Variants in CACNA1C observed in about 807,000 individuals in gnomAD.
The protein encoded by CACNA1C is voltage-dependent L-type calcium channel subunit alpha-1C.
In CACNA1C, 30 loss-of-function variants were observed where a neutral mutation model predicts 229.0. That is an observed-to-expected ratio of 0.13 (90% CI 0.10 to 0.18). The LOEUF (loss-of-function observed/expected upper bound fraction) is 0.18. Among genes scored for constraint, CACNA1C ranks in the 10% least tolerant of loss-of-function variants. CACNA1C has a pLI of 1.00. For synonymous variants in CACNA1C, 1,114 were observed against 1,132.5 expected (o/e 0.98, Z 0.33); for missense variants, 1,658 against 2,845.0 (o/e 0.58, Z 9.49).
intron 3 of CACNA1C, among the ~76,000 whole-genome samples, chr12:2,192,797 G>A (rs969145885): frequency 3.9e-5 from 6 of 151,950 alleles, no homozygotes; most frequent in African/African-American, 9.7e-5. Context: ...AAGACTTGGC[G>A]GTGCTGTGAT....
chr12:2,621,158 C>G (rs541556496), intron 29 of CACNA1C, among the ~76,000 whole-genome samples: 1 of 152,278 alleles, frequency 6.6e-6, no homozygotes, highest in East Asian at 1.9e-4. Flanking sequence ...GATGTTGAAG[C>G]ATGGTACCAT....
intron 28 of CACNA1C, among the ~76,000 whole-genome samples, chr12:2,610,989 G>A (rs2077391546): frequency 6.6e-6 from 1 of 151,692 alleles, no homozygotes; most frequent in Admixed American, 6.6e-5. Context: ...GGAGGAGATG[G>A]AGAACGGAGG....
chr12:2,361,705 A>G (rs1227715564), intron 3 of CACNA1C, among the ~76,000 whole-genome samples: 2 of 152,220 alleles, frequency 1.3e-5, no homozygotes, highest in Non-Finnish European at 2.9e-5. Flanking sequence ...GTGAGAGAAA[A>G]ATAAAGCCAC....
chr12:2,207,871 C>T (rs1458842381), intron 3 of CACNA1C, among the ~76,000 whole-genome samples: 1 of 152,082 alleles, frequency 6.6e-6, no homozygotes, highest in African/African-American at 2.4e-5. Context: ...GCGTTTCCCA[C>T]AGAACATCTG....
intron 13 of CACNA1C, among the ~76,000 whole-genome samples, chr12:2,578,817 A>C (rs1408132063): frequency 7.9e-5 from 12 of 152,134 alleles, no homozygotes; most frequent in Admixed American, 7.2e-4. Flanking sequence ...CAGGGGCGGC[A>C]GGGAGAGTGG....
intron 1 of CACNA1C, among the ~76,000 whole-genome samples, chr12:2,090,676 T>C (rs1025101125): frequency 2.0e-5 from 3 of 152,368 alleles, no homozygotes; most frequent in African/African-American, 4.8e-5. Flanking sequence ...GGACTTGTTA[T>C]TGTGAATAGT....
chr12:2,618,591 C>T (rs907126389), intron 29 of CACNA1C, among the ~76,000 whole-genome samples: 2 of 152,230 alleles, frequency 1.3e-5, no homozygotes, highest in African/African-American at 4.8e-5. Context: ...CTAAAGACAC[C>T]AATGTGGCCA....
intron 1 of CACNA1C, among the ~76,000 whole-genome samples, chr12:2,093,695 G>A (rs1595666511): frequency 6.6e-6 from 1 of 152,308 alleles, no homozygotes; most frequent in South Asian, 2.1e-4. Context: ...TGGGTGATCT[G>A]GGGCCCATGG....
intron 9 of CACNA1C, among the ~76,000 whole-genome samples, chr12:2,521,540 G>A (rs917950079): frequency 6.6e-6 from 1 of 152,154 alleles, no homozygotes. Flanking sequence ...CTGCCCGCCA[G>A]GGTCCCAGCC....
intron 1 of CACNA1C, among the ~76,000 whole-genome samples, chr12:2,096,290 A>G (rs1479879935): frequency 1.3e-5 from 2 of 152,230 alleles, no homozygotes; most frequent in African/African-American, 2.4e-5. Flanking sequence ...TTTGAAAACA[A>G]TTTATGACCA....
Position 2,632,770 on chromosome 12 carries a change from C to T in CACNA1C, c.3829-1527C>T, listed in dbSNP as rs542418784. Among the ~76,000 whole-genome samples the T allele has an allele frequency of 2.6e-5, 4 of 152,144 alleles. No homozygotes were observed. The highest frequency in any genetic ancestry group is 4.4e-5 in the Non-Finnish European group (3 of 68,030). ...TGATCACCGCGTGCCCTCTGCGCGG[C>T]GTCTGCATTCAGCAGGACCCTACCT... On this transcript the variant is annotated intron_variant, in intron 29 of 46. Coordinates refer to ENST00000399655, the MANE Select transcript of CACNA1C (RefSeq NM_000719.7). This position sits in a 1 kb window ranked among gnomAD's most constrained non-coding sequence, Gnocchi z 4.1.
intron 3 of CACNA1C, among the ~76,000 whole-genome samples, chr12:2,273,608 A>C (rs1245470643): frequency 6.6e-6 from 1 of 152,226 alleles, no homozygotes; most frequent in Non-Finnish European, 1.5e-5. Context: ...CTGGGAATCA[A>C]ATCAGAGTGA....
upstream of CACNA1C, among the ~76,000 whole-genome samples, chr12:2,052,523 C>T (rs1212240162): frequency 1.3e-5 from 2 of 151,332 alleles, no homozygotes; most frequent in African/African-American, 4.8e-5. Flanking sequence ...GACGCGCCGC[C>T]GCAGCGGAGG....
intron 1 of CACNA1C, among the ~76,000 whole-genome samples, chr12:2,010,378 T>G (rs2044195903): frequency 6.6e-6 from 1 of 151,716 alleles, no homozygotes; most frequent in African/African-American, 2.4e-5. Flanking sequence ...CTGGGGAATG[T>G]GGGGAAGGCA....
At chr12:2,448,443 G>A (rs1235414378) in intron 3 of CACNA1C, among the ~76,000 whole-genome samples, 1 of 152,144 alleles carries the variant, frequency 6.6e-6, no homozygotes, top group Non-Finnish European at 1.5e-5. Flanking sequence ...GCTCTTAAGG[G>A]ATCTTCACCG....
rs926670276 is a variant in CACNA1C at position 2,565,371 on chromosome 12, G to A, written c.1509-1051G>A. Among the ~76,000 whole-genome samples, 18 of 151,672 alleles carry A rather than the reference G, an allele frequency of 1.2e-4. 1 individual carries two copies. Among genetic ancestry groups the A allele is most frequent in the Non-Finnish European group, 1.5e-4 (10 of 67,950 alleles). ...AGTCCCAGCTACTCGGGAGGCTGAG[G>A]CAGGAGAATGGCGTGAACCCGGGAA... On this transcript the variant is annotated intron_variant, in intron 11 of 46. Coordinates refer to ENST00000399655, the MANE Select transcript of CACNA1C (RefSeq NM_000719.7).
At chr12:2,343,936 C>T (rs2096933434) in intron 3 of CACNA1C, among the ~76,000 whole-genome samples, 2 of 152,188 alleles carry the variant, frequency 1.3e-5, no homozygotes, top group South Asian at 4.1e-4. Flanking sequence ...TGTTTCATCT[C>T]CTGCCTAACA....
At position 2,120,377 on chromosome 12, in the gene CACNA1C, G is replaced by A; in HGVS notation, c.424G>A (p.Ala142Thr). ...LTIFANCVAL[A>T]IYIPFPEDDS... ...TATTTTTGCCAATTGTGTGGCCTTAGCGATCTATATTCCCTTTCCAGAAGA... is the reference window on the plus strand; with the variant it reads ...TATTTTTGCCAATTGTGTGGCCTTAACGATCTATATTCCCTTTCCAGAAGA... Residue 142 changes from alanine (A) to threonine (T), a missense_variant, in exon 3 of 47, where the codon GCG (alanine) becomes ACG (threonine). Around this residue, in one of 20 missense-constraint regions of CACNA1C, gnomAD observed 89 missense variants for 177.8 expected, o/e 0.50. Transcript: ENST00000399655. 6.2e-7 allele frequency: 1 copy of A among 1,612,330 alleles called. No homozygotes were observed. Among genetic ancestry groups the A allele is most frequent in the Non-Finnish European group, 8.5e-7 (1 of 1,178,422 alleles).
intron 30 of CACNA1C, among the ~76,000 whole-genome samples, chr12:2,643,318 C>T (rs1369978731): frequency 6.6e-6 from 1 of 152,168 alleles, no homozygotes; most frequent in African/African-American, 2.4e-5. Flanking sequence ...TATCCTGGTG[C>T]GTTCCCTGCC....
Sources: allele counts gnomAD v4.1 joint callset (sites outside exome capture counted in the v4.1 genomes callset), GRCh38; gene constraint gnomAD v4.1.1; regional missense constraint gnomAD v4.1.1; non-coding constraint Gnocchi (gnomAD v3.1); transcripts MANE v1.5; gene names NCBI Gene and HGNC (gene_info 2026-07-23, HGNC 2026-07-21).